FLNB: variants seen among roughly 807,000 people sequenced by gnomAD.
The protein encoded by FLNB is filamin B, also known as filamin-B.
In FLNB, 111 loss-of-function variants were observed where a neutral mutation model predicts 250.6. The ratio of observed to expected loss-of-function variants is 0.44; its 90% CI spans 0.38 to 0.52. The LOEUF (loss-of-function observed/expected upper bound fraction) is 0.52, where lower values mean the gene tolerates loss of function less well. FLNB is among the 20% of genes least tolerant of loss of function. The pLI is 0.00. For missense variants in FLNB, 2,869 were observed against 3,447.8 expected, an observed-to-expected ratio of 0.83 and a Z score of 4.20; for synonymous variants, 1,302 against 1,372.1, an observed-to-expected ratio of 0.95 and a Z score of 1.13.
intron 12 of FLNB, among the ~76,000 whole-genome samples, chr3:58,107,192 G>A (rs943810815): frequency 2.0e-5 from 3 of 152,092 alleles, no homozygotes; most frequent in Non-Finnish European, 2.9e-5. Context: ...ACCACAGCTG[G>A]CTAATCTTTG....
At chr3:58,052,094 G>T (rs1253941777) in intron 1 of FLNB, among the ~76,000 whole-genome samples, 1 of 152,090 alleles carries the variant, frequency 6.6e-6, no homozygotes, top group African/African-American at 2.4e-5. Context: ...ACCATTGTTG[G>T]CCAGGCTGGT....
chr3:58,010,456 C>T (rs778869224), intron 1 of FLNB, among the ~76,000 whole-genome samples: 1 of 152,180 alleles, frequency 6.6e-6, no homozygotes, highest in Non-Finnish European at 1.5e-5. Flanking sequence ...AGCAGCCCTC[C>T]CCCTCCCCAA....
intron 1 of FLNB, among the ~76,000 whole-genome samples, chr3:58,036,003 T>C (rs2097137632): frequency 6.6e-6 from 1 of 152,198 alleles, no homozygotes; most frequent in Non-Finnish European, 1.5e-5. Flanking sequence ...TTTGGACCCA[T>C]ACATTTAAAC....
chr3:58,097,692 G>T, intron 6 of FLNB, 123 bp from the exon 7 acceptor site: 1 of 990,976 alleles, frequency 1.0e-6, no homozygotes, highest in Non-Finnish European at 1.5e-6. Context: ...CCTTATTCTA[G>T]ACACCTTGTG....
chr3:58,048,575 T>G (rs960743572), intron 1 of FLNB, among the ~76,000 whole-genome samples: 3 of 152,256 alleles, frequency 2.0e-5, no homozygotes, highest in African/African-American at 7.2e-5. Flanking sequence ...TTCGTGGTGC[T>G]AAGTGTGGTC....
At chr3:58,161,818 G>T (rs566959140) in intron 42 of FLNB, among the ~76,000 whole-genome samples, 10 of 152,188 alleles carry the variant, frequency 6.6e-5, no homozygotes, top group Non-Finnish European at 1.3e-4. Flanking sequence ...AGCAGCACCA[G>T]ATGTCCCACC....
chr3:58,085,037 C>T (rs1173915620), intron 4 of FLNB, among the ~76,000 whole-genome samples: 1 of 152,058 alleles, frequency 6.6e-6, no homozygotes, highest in Non-Finnish European at 1.5e-5. Flanking sequence ...AATAATATTC[C>T]TTTGTACGTG....
chr3:58,023,102 G>C (rs1232729516), intron 1 of FLNB, among the ~76,000 whole-genome samples: 1 of 132,588 alleles, frequency 7.5e-6, no homozygotes, highest in Non-Finnish European at 1.5e-5. Flanking sequence ...TTGAGCCACC[G>C]AACTCGGCCT....
intron 4 of FLNB, among the ~76,000 whole-genome samples, chr3:58,093,241 G>A (rs565114522): frequency 8.5e-5 from 13 of 152,288 alleles, no homozygotes; most frequent in Non-Finnish European, 1.2e-4. Flanking sequence ...GTTTAGAGGC[G>A]TTTTGAACAC....
chr3:58,078,496 A>G (rs1447330963), intron 2 of FLNB: 11 of 1,536,200 alleles, frequency 7.2e-6, no homozygotes, highest in Non-Finnish European at 9.6e-6. Flanking sequence ...ATGCAAGAAC[A>G]TAGCACCCGG....
intron 1 of FLNB, among the ~76,000 whole-genome samples, chr3:58,013,884 G>T (rs903811421): frequency 1.3e-5 from 2 of 152,192 alleles, no homozygotes; most frequent in Non-Finnish European, 2.9e-5. Flanking sequence ...TGTGGGCCAT[G>T]TACAAGGTGG....
chr3:58,086,342 A>G (rs1472670163), intron 4 of FLNB, among the ~76,000 whole-genome samples: 4 of 152,042 alleles, frequency 2.6e-5, no homozygotes, highest in Non-Finnish European at 4.4e-5. Context: ...TATCAGTTAC[A>G]TAACCTGAGT....
chr3:58,116,544 G>T (rs993404259), intron 18 of FLNB, among the ~76,000 whole-genome samples: 2 of 152,218 alleles, frequency 1.3e-5, no homozygotes, highest in Non-Finnish European at 2.9e-5. Flanking sequence ...GCTTGCAGGT[G>T]CTTGCCTGCC....
intron 1 of FLNB, among the ~76,000 whole-genome samples, chr3:58,050,186 C>T (rs777500785): frequency 5.9e-5 from 9 of 152,094 alleles, no homozygotes; most frequent in Non-Finnish European, 8.8e-5. Flanking sequence ...CGTGCCACCA[C>T]ACCCAGCTAA....
intron 5 of FLNB, 81 bp downstream of exon 5, chr3:58,095,035 C>T: frequency 9.1e-7 from 1 of 1,096,574 alleles, no homozygotes; most frequent in African/African-American, 1.5e-5. Context: ...GACTGTGCCT[C>T]CATTTTCATT....
At chr3:58,063,317 A>G (rs2106891154) in intron 1 of FLNB, among the ~76,000 whole-genome samples, 1 of 152,296 alleles carries the variant, frequency 6.6e-6, no homozygotes, top group East Asian at 1.9e-4. Context: ...TGTTGGTGGC[A>G]TGGAATTCCA....
intron 1 of FLNB, among the ~76,000 whole-genome samples, chr3:58,066,327 C>G (rs773778801): frequency 6.6e-6 from 1 of 150,858 alleles, no homozygotes; most frequent in Non-Finnish European, 1.5e-5. Flanking sequence ...TCAAGCTATT[C>G]TCCTGCCTCG....
intron 8 of FLNB, among the ~76,000 whole-genome samples, chr3:58,101,809 A>G (rs2097251672): frequency 2.0e-5 from 3 of 152,234 alleles, no homozygotes; most frequent in South Asian, 4.1e-4. Context: ...TTTTCCAAGA[A>G]GACTTGAAAA....
intron 38 of FLNB, 58 bp downstream of exon 38, chr3:58,150,285 G>T: frequency 6.2e-7 from 1 of 1,609,384 alleles, no homozygotes; most frequent in Non-Finnish European, 8.5e-7. Flanking sequence ...CAGGGCAGTG[G>T]GTGCCTTTGG....
Sources: allele counts gnomAD v4.1 joint callset (sites outside exome capture counted in the v4.1 genomes callset), GRCh38; gene constraint gnomAD v4.1.1; transcripts MANE v1.5; gene names NCBI Gene and HGNC (gene_info 2026-07-23, HGNC 2026-07-21).